Variants in GPR174 observed in about 807,000 individuals in gnomAD.
GPR174 encodes G protein-coupled receptor 174.
In GPR174, 8 loss-of-function variants were observed where a neutral mutation model predicts 16.5. That is an observed-to-expected ratio of 0.48 (90% CI 0.28 to 0.87). The LOEUF (loss-of-function observed/expected upper bound fraction) is 0.87, where lower values mean the gene tolerates loss of function less well. Among genes scored for constraint, GPR174 ranks in the 40% least tolerant of loss-of-function variants. The pLI, the probability that GPR174 is intolerant of heterozygous loss-of-function variation, is 0.09. For missense variants in GPR174, 214 were observed against 247.5 expected (o/e 0.86, Z 0.91); for synonymous variants, 111 against 94.8 (o/e 1.17, Z -0.99).
In GPR174 at chrX:79,171,145, T is replaced by C. The variant is rs779516171; in HGVS notation, c.138T>C (p.Gly46=). ...GNILALWVFY[G]YMKETKRAVI... ...TATTAGCCCTGTGGGTATTCTATGG[T>C]TATATGAAAGAAACAAAACGAGCTG... The change falls in exon 3 of 3, where the codon GGT becomes GGC. Residue 46 remains glycine (G), a synonymous_variant. Coordinates refer to ENST00000645147, the MANE Select transcript of GPR174 (RefSeq NM_032553.3). The C allele has an allele frequency of 8.3e-7, 1 of 1,207,283 alleles. No homozygotes were observed. Among genetic ancestry groups the C allele is most frequent in the Non-Finnish European group, 1.1e-6 (1 of 892,762 alleles).
Position 79,146,031 on chromosome X carries a change from T to A in GPR174, c.-654+814T>A, listed in dbSNP as rs138916562. 4.6e-3 allele frequency among the ~76,000 whole-genome samples: 513 copies of A among 112,115 alleles called. 1 individual carries two copies. The highest frequency in any genetic ancestry group is 9.2e-3 in the Middle Eastern group (2 of 218). Reference sequence around the variant, plus strand: ...TTTTGACAAAATGTAAGTGAAATTATTTCCTTGTTTGCGTGTTGTCTCTGT... The same window carrying A: ...TTTTGACAAAATGTAAGTGAAATTAATTCCTTGTTTGCGTGTTGTCTCTGT... On this transcript the variant is annotated intron_variant, in intron 1 of 2. Transcript: ENST00000645147.
At chrX:79,160,894 C>A (rs955796847) in intron 2 of GPR174, among the ~76,000 whole-genome samples, 1 of 111,032 alleles carries the variant, frequency 9.0e-6, no homozygotes, top group East Asian at 2.8e-4. Context: ...AAGGGCAGGG[C>A]AATAGGAGTG....
chrX:79,164,630 T>C (rs1368924514), intron 2 of GPR174, among the ~76,000 whole-genome samples: 1 of 111,770 alleles, frequency 8.9e-6, no homozygotes, highest in African/African-American at 3.3e-5. Context: ...TTTTCTGAAT[T>C]GAGGGATAAA....
intron 1 of GPR174, among the ~76,000 whole-genome samples, chrX:79,153,353 A>C (rs1017594358): frequency 1.3e-4 from 14 of 111,908 alleles, no homozygotes; most frequent in African/African-American, 4.5e-4. Flanking sequence ...TGTTCATCTC[A>C]TCACTCCATT....
chrX:79,144,773 T>A lies in GPR174; in HGVS notation c.-1098T>A, dbSNP rs938908604. On this transcript the variant is annotated 5_prime_UTR_variant, in exon 1 of 3. Transcript: ENST00000645147. The stretch of plus-strand genomic sequence containing the variant: ...CATGATAGTGGTTAGATATTCCTGA[T>A]AATTTTAATTTTTTTTCCTTTTGCT... 1 of 111,325 alleles carries A rather than the reference T, an allele frequency of 9.0e-6. No individual in the cohort carries two copies. The highest frequency in any genetic ancestry group is 1.9e-5 in the Non-Finnish European group (1 of 52,957). 9.2% of individuals were successfully genotyped at this position (111,325 alleles called of 1,213,427 possible). A position where few individuals can be genotyped will look rare whatever the true frequency, so the allele number is the denominator to read the frequency against.
At chrX:79,159,759 T>C (rs1315985867) in intron 2 of GPR174, among the ~76,000 whole-genome samples, 2 of 112,126 alleles carry the variant, frequency 1.8e-5, no homozygotes, top group East Asian at 2.8e-4. Flanking sequence ...TACATATGAA[T>C]AAATGCATAT....
At chrX:79,152,767 G>T (rs886551977) in intron 1 of GPR174, among the ~76,000 whole-genome samples, 2 of 111,885 alleles carry the variant, frequency 1.8e-5, no homozygotes, top group Non-Finnish European at 1.9e-5. Flanking sequence ...TCATTTTTCA[G>T]TTTCTCTATC....
In GPR174 at chrX:79,172,133, T is replaced by C. The variant is rs182774621; in HGVS notation, c.*124T>C. 79 of 673,433 alleles carry C rather than the reference T, an allele frequency of 1.2e-4. No individual in the cohort carries two copies. In the African/African-American group the frequency reaches 1.5e-3, roughly 13 times the overall value. The allele number at this position is 673,433 out of a possible 1,213,427, so 55.5% of individuals were successfully genotyped here. A position where few individuals can be genotyped will look rare whatever the true frequency, so the allele number is the denominator to read the frequency against. Reference sequence around the variant, plus strand: ...TTTCAGTTCTGCTCTATCTTACTGCTATGGGGAATTCACTTCTTCAAAGCA... The same window carrying C: ...TTTCAGTTCTGCTCTATCTTACTGCCATGGGGAATTCACTTCTTCAAAGCA... On this transcript the variant is annotated 3_prime_UTR_variant, in exon 3 of 3. Transcript: ENST00000645147.
rs150269475 is a variant in GPR174, at chrX:79,150,816, C to T, written c.-654+5599C>T. On this transcript the variant is annotated intron_variant, in intron 1 of 2. Transcript: ENST00000645147. ...CTGAGCCTTTGGCCTTTTCCTATTC[C>T]CACATCTCCGGGAGTTCAGTCTAGT... Among the ~76,000 whole-genome samples the T allele has an allele frequency of 2.1e-4, 23 of 111,413 alleles. No individual in the cohort carries two copies. In the East Asian group the frequency reaches 5.6e-3, roughly 27 times the overall value.
intron 1 of GPR174, among the ~76,000 whole-genome samples, chrX:79,152,619 A>G (rs1926624226): frequency 8.9e-6 from 1 of 111,802 alleles, no homozygotes; most frequent in Non-Finnish European, 1.9e-5. Flanking sequence ...CCAAGAGGAA[A>G]TAGAGGAAGA....
chrX:79,156,551 A>G (rs1254231922), intron 1 of GPR174, among the ~76,000 whole-genome samples: 5 of 112,112 alleles, frequency 4.5e-5, no homozygotes, highest in Non-Finnish European at 1.9e-5. Flanking sequence ...CCTTGTGACC[A>G]GGGAGTGACA....
intron 1 of GPR174, among the ~76,000 whole-genome samples, chrX:79,149,161 C>T (rs1438086383): frequency 9.0e-6 from 1 of 111,608 alleles, no homozygotes; most frequent in African/African-American, 3.3e-5. Flanking sequence ...TTCATGGCCC[C>T]TATTAATTTT....
chrX:79,157,835 G>C (rs140936915), intron 2 of GPR174, among the ~76,000 whole-genome samples: 1,322 of 110,118 alleles, frequency 0.012, 12 homozygotes, highest in Non-Finnish European at 0.019. Flanking sequence ...CATTGTAAAG[G>C]AACATGTCTA....
At chrX:79,157,045 T>C (rs967352176) in intron 2 of GPR174, 127 bp downstream of exon 2, 5 of 112,199 alleles carry the variant, frequency 4.5e-5, no homozygotes, top group African/African-American at 9.7e-5. Flanking sequence ...GCTGGTCTAC[T>C]TGATAGATTA....
At chrX:79,153,982 C>A (rs778124156) in intron 1 of GPR174, among the ~76,000 whole-genome samples, 13 of 111,726 alleles carry the variant, frequency 1.2e-4, no homozygotes, top group African/African-American at 4.2e-4. Flanking sequence ...TTAATAAAGT[C>A]TAATTTTTAT....
chrX:79,150,103 A>G (rs1926572662), intron 1 of GPR174, among the ~76,000 whole-genome samples: 2 of 111,628 alleles, frequency 1.8e-5, no homozygotes, highest in Admixed American at 1.9e-4. Context: ...AAATTTGAAA[A>G]TATCTGTGAC....
intron 1 of GPR174, among the ~76,000 whole-genome samples, chrX:79,155,835 G>A (rs1040365418): frequency 8.1e-5 from 9 of 111,593 alleles, no homozygotes; most frequent in East Asian, 2.8e-4. Flanking sequence ...GCAAATTTGC[G>A]TAGGTGGAAA....
At chrX:79,156,793 C>A (rs1285681704) in intron 1 of GPR174, 29 bp from the exon 2 acceptor site, 1 of 111,845 alleles carries the variant, frequency 8.9e-6, no homozygotes, top group African/African-American at 3.3e-5. Flanking sequence ...CATGCTGCAC[C>A]TGACCACTGC....
In GPR174 at chrX:79,171,298, G is replaced by A. The variant is rs1283607805; in HGVS notation, c.291G>A (p.Leu97=). 2.5e-6 allele frequency: 3 copies of A among 1,211,413 alleles called. No homozygotes were observed. The highest frequency in any genetic ancestry group is 4.3e-5 in the Admixed American group (2 of 46,048). ...GTCTCTGCATGTTCTGTTTCTACCTGAAGTATGTCAACATGTATGCAAGCA... is the reference window on the plus strand; with the variant it reads ...GTCTCTGCATGTTCTGTTTCTACCTAAAGTATGTCAACATGTATGCAAGCA... ...GPGLCMFCFY[L]KYVNMYASIY... The change falls in exon 3 of 3, where the codon CTG becomes CTA. Residue 97 remains leucine, a synonymous_variant. Transcript: ENST00000645147.
Sources: allele counts gnomAD v4.1 joint callset (sites outside exome capture counted in the v4.1 genomes callset), GRCh38; gene constraint gnomAD v4.1.1; transcripts MANE v1.5; gene names NCBI Gene and HGNC (gene_info 2026-07-23, HGNC 2026-07-21).